The following CDK5RAP2 variants were observed in gnomAD, a reference collection of about 807,000 sequenced individuals.
CDK5RAP2 encodes CDK5 regulatory subunit-associated protein 2.
In CDK5RAP2, 147 loss-of-function variants were observed where a neutral mutation model predicts 232.9. The observed-to-expected ratio is 0.63, with a 90% CI of 0.55 to 0.72. The LOEUF (loss-of-function observed/expected upper bound fraction) is 0.72. Among genes scored for constraint, CDK5RAP2 ranks in the 30% least tolerant of loss-of-function variants. CDK5RAP2 has a pLI of 0.00. For missense variants in CDK5RAP2, 2,195 were observed against 2,231.5 expected (o/e 0.98, Z 0.33); for synonymous variants, 833 against 833.7 (o/e 1.00, Z 0.01).
At chr9:120,537,110 G>T (rs1190531786) in intron 6 of CDK5RAP2, among the ~76,000 whole-genome samples, 2 of 152,138 alleles carry the variant, frequency 1.3e-5, no homozygotes, top group Non-Finnish European at 2.9e-5. Flanking sequence ...TGACCTGGGA[G>T]TAGATATGAA....
chr9:120,428,004 C>A (rs1439428850), intron 25 of CDK5RAP2, among the ~76,000 whole-genome samples: 1 of 152,174 alleles, frequency 6.6e-6, no homozygotes, highest in Non-Finnish European at 1.5e-5. Flanking sequence ...TCCTGAATGA[C>A]TACTGGGTAC....
Position 120,470,239 on chromosome 9 carries a change from A to T in CDK5RAP2, c.1859-19T>A, listed in dbSNP as rs895079729. ...GATTCTTCTGCCCAAAAAAGAAAAA[A>T]AAAAGGTGGGGAGGGGGAGGAGAAA... On this transcript the variant is annotated intron_variant, in intron 16 of 37. Coordinates refer to ENST00000349780, the MANE Select transcript of CDK5RAP2 (RefSeq NM_018249.6). 3.1e-6 allele frequency: 4 copies of T among 1,270,158 alleles called. No homozygotes were observed. The African/African-American group carries it at 6.0e-5, about 19-fold the overall frequency. The allele number at this position is 1,270,158 out of a possible 1,614,324, so 78.7% of individuals were successfully genotyped here.
At chr9:120,449,063 T>C (rs997167095) in intron 21 of CDK5RAP2, among the ~76,000 whole-genome samples, 18 of 152,188 alleles carry the variant, frequency 1.2e-4, no homozygotes, top group Admixed American at 7.9e-4. Flanking sequence ...AAGGTCAACA[T>C]CCATACCACA....
chr9:120,408,132 C>G (rs899602016), intron 31 of CDK5RAP2: 1 of 601,484 alleles, frequency 1.7e-6, no homozygotes, highest in African/African-American at 1.8e-5. Context: ...ACCCGGACCT[C>G]GGCTGGCCTG....
intron 32 of CDK5RAP2, among the ~76,000 whole-genome samples, chr9:120,404,454 T>G (rs997240448): frequency 2.0e-5 from 3 of 152,210 alleles, no homozygotes; most frequent in Admixed American, 1.3e-4. Flanking sequence ...CTAATACCCG[T>G]TTTAAAACCT....
Position 120,400,824 on chromosome 9 carries a change from A to G in CDK5RAP2, c.5369T>C (p.Leu1790Pro), listed in dbSNP as rs2032941863. Residue 1790 changes from leucine to proline, a missense_variant, in exon 35 of 38, where the codon CTG becomes CCG. Coordinates refer to ENST00000349780, the MANE Select transcript of CDK5RAP2 (RefSeq NM_018249.6). ...VSSVSTAKLT[L>P]EEAYRRLKLL... ...CTTCAGCCGCCTGTAGGCCTCTTCCAGGGTCAGCTTGGCCGTGCTCACACT... is the reference window on the plus strand; with the variant it reads ...CTTCAGCCGCCTGTAGGCCTCTTCCGGGGTCAGCTTGGCCGTGCTCACACT... 1 of 1,614,212 alleles carries G rather than the reference A, an allele frequency of 6.2e-7. No individual in the cohort carries two copies. The highest frequency in any genetic ancestry group is 2.2e-5 in the East Asian group (1 of 44,886).
intron 12 of CDK5RAP2, among the ~76,000 whole-genome samples, chr9:120,502,261 C>T (rs1234760653): frequency 2.6e-5 from 4 of 152,210 alleles, no homozygotes; most frequent in African/African-American, 9.7e-5. Flanking sequence ...ATGTGTATGT[C>T]ATCCTAGAAA....
chr9:120,473,793 A>C (rs562168114), intron 15 of CDK5RAP2, among the ~76,000 whole-genome samples: 43 of 152,314 alleles, frequency 2.8e-4, no homozygotes, highest in Non-Finnish European at 5.3e-4. Context: ...TGTTTTAGAG[A>C]AGCTCCTGCG....
At chr9:120,433,689 A>C (rs1428136422) in intron 25 of CDK5RAP2, among the ~76,000 whole-genome samples, 4 of 152,218 alleles carry the variant, frequency 2.6e-5, no homozygotes, top group Non-Finnish European at 5.9e-5. Context: ...GGTCATTGTG[A>C]AGTTTAAATC....
intron 3 of CDK5RAP2, among the ~76,000 whole-genome samples, chr9:120,559,738 T>C (rs1466949476): frequency 2.0e-5 from 3 of 152,080 alleles, no homozygotes; most frequent in Non-Finnish European, 4.4e-5. Context: ...TTGGAAGCCA[T>C]GTGTTACTGT....
chr9:120,426,309 G>A (rs145010491), intron 25 of CDK5RAP2, among the ~76,000 whole-genome samples: 2 of 152,330 alleles, frequency 1.3e-5, no homozygotes, highest in East Asian at 1.9e-4. Flanking sequence ...TGTGCCCAAA[G>A]TGACTGGGTT....
chr9:120,445,755 T>C (rs2036151503), intron 22 of CDK5RAP2, among the ~76,000 whole-genome samples: 1 of 152,206 alleles, frequency 6.6e-6, no homozygotes, highest in Admixed American at 6.5e-5. Context: ...TGGACCTGGT[T>C]GCTATGGCTC....
At chr9:120,481,857 A>C (rs1053891011) in intron 14 of CDK5RAP2, among the ~76,000 whole-genome samples, 1 of 152,196 alleles carries the variant, frequency 6.6e-6, no homozygotes, top group African/African-American at 2.4e-5. Flanking sequence ...GTAATTCTAC[A>C]TATGTCCTGG....
At position 120,447,946 on chromosome 9, in the gene CDK5RAP2, C is replaced by A; in HGVS notation, c.2974G>T (p.Ala992Ser). ...NKQLHQKLIL[A>S]EAVMEGRPTP... ...GGCCTCCCCTCCATCACTGCTTCAG[C>A]CAGAATTAACTTTTGGTGAAGTTGC... Residue 992 changes from alanine (A) to serine (S), a missense_variant, in exon 22 of 38, where the codon GCT becomes TCT. Transcript: ENST00000349780. The A allele has an allele frequency of 6.2e-7, 1 of 1,614,192 alleles. No homozygotes were observed. The highest frequency in any genetic ancestry group is 8.5e-7 in the Non-Finnish European group (1 of 1,180,038).
At chr9:120,454,694 A>C (rs939821543) in intron 20 of CDK5RAP2, among the ~76,000 whole-genome samples, 50 of 152,212 alleles carry the variant, frequency 3.3e-4, no homozygotes, top group Non-Finnish European at 6.6e-4. Context: ...CCAGTAAAGC[A>C]GTGTGGAAGT....
intron 35 of CDK5RAP2, among the ~76,000 whole-genome samples, chr9:120,397,559 A>AG (rs1432949446): frequency 1.5e-5 from 2 of 133,176 alleles, no homozygotes; most frequent in East Asian, 2.2e-4. Context: ...AAAAAAAAAA[A>AG]AAAAAAGAAA....
intron 19 of CDK5RAP2, among the ~76,000 whole-genome samples, chr9:120,458,957 A>T (rs967972024): frequency 1.1e-4 from 16 of 152,240 alleles, no homozygotes; most frequent in African/African-American, 3.4e-4. Flanking sequence ...AGACCACCTC[A>T]GGTGACATGT....
chr9:120,460,487 C>G, intron 19 of CDK5RAP2, 85 bp downstream of exon 19: 2 of 1,258,268 alleles, frequency 1.6e-6, no homozygotes, highest in Non-Finnish European at 2.3e-6. Context: ...GAACAGAAAA[C>G]CCACTGGACT....
intron 1 of CDK5RAP2, among the ~76,000 whole-genome samples, chr9:120,576,605 G>A (rs184904019): frequency 6.6e-6 from 1 of 152,262 alleles, no homozygotes; most frequent in Non-Finnish European, 1.5e-5. Context: ...GGGAGGCTGA[G>A]GCACCAGAAC....
Sources: allele counts gnomAD v4.1 joint callset (sites outside exome capture counted in the v4.1 genomes callset), GRCh38; gene constraint gnomAD v4.1.1; transcripts MANE v1.5; gene names NCBI Gene and HGNC (gene_info 2026-07-23, HGNC 2026-07-21).